The following LHFPL2 variants were observed in gnomAD, a reference collection of about 807,000 sequenced individuals.
LHFPL2 encodes LHFPL tetraspan subfamily member 2.
LHFPL2 carries 7 observed loss-of-function variants against 17.5 expected under a neutral mutation model. The observed-to-expected ratio is 0.40, with a 90% CI of 0.23 to 0.75. The LOEUF is 0.75. Ranked by LOEUF, LHFPL2 falls within the 30% of genes least tolerant of loss-of-function variation. The pLI is 0.37. For synonymous variants in LHFPL2, 134 were observed against 116.2 expected (o/e 1.15, Z -0.99); for missense variants, 241 against 294.8 (o/e 0.82, Z 1.34).
intron 1 of LHFPL2, chr5:78,644,167 T>C: frequency 1.8e-6 from 1 of 554,944 alleles, no homozygotes; most frequent in Non-Finnish European, 3.2e-6. Context: ...AAAACAATTG[T>C]TACATAGTCT....
chr5:78,490,553 C>A (rs1397423836), intron 4 of LHFPL2, among the ~76,000 whole-genome samples: 4 of 150,036 alleles, frequency 2.7e-5, no homozygotes, highest in Non-Finnish European at 5.9e-5. Context: ...GAGAGTGAGA[C>A]CATCCTGGCC....
intron 2 of LHFPL2, among the ~76,000 whole-genome samples, chr5:78,618,899 T>C (rs1036383431): frequency 6.6e-6 from 1 of 152,158 alleles, no homozygotes; most frequent in Non-Finnish European, 1.5e-5. Flanking sequence ...AGAAAATCGG[T>C]CAAAACCAGA....
intron 3 of LHFPL2, among the ~76,000 whole-genome samples, chr5:78,537,388 GA>G (rs548168047): frequency 6.6e-5 from 10 of 151,890 alleles, no homozygotes; most frequent in Non-Finnish European, 1.0e-4. Flanking sequence ...TTATTCGTGG[GA>G]AAAAAAAGAT....
chr5:78,552,136 T>C, intron 3 of LHFPL2, among the ~76,000 whole-genome samples: 1 of 53,552 alleles, frequency 1.9e-5, no homozygotes, highest in South Asian at 4.6e-4. Context: ...TGTCAGTGAT[T>C]TTTTTTTTTT....
chr5:78,529,015 C>T (rs960337018), intron 3 of LHFPL2, among the ~76,000 whole-genome samples: 6 of 151,970 alleles, frequency 3.9e-5, no homozygotes, highest in African/African-American at 9.7e-5. Flanking sequence ...TATGGTAGCT[C>T]ATGCCTGTAA....
chr5:78,633,129 C>G (rs1745313454), intron 1 of LHFPL2, among the ~76,000 whole-genome samples: 1 of 152,148 alleles, frequency 6.6e-6, no homozygotes, highest in Admixed American at 6.5e-5. Context: ...TCAGCAACAC[C>G]AGAGAGGAGA....
At chr5:78,500,787 C>T (rs1311327440) in intron 4 of LHFPL2, among the ~76,000 whole-genome samples, 1 of 152,086 alleles carries the variant, frequency 6.6e-6, no homozygotes, top group Non-Finnish European at 1.5e-5. Flanking sequence ...TTTCAAAGTC[C>T]AAGCAGAATT....
At chr5:78,492,177 C>G (rs1262272830) in intron 4 of LHFPL2, among the ~76,000 whole-genome samples, 1 of 152,208 alleles carries the variant, frequency 6.6e-6, no homozygotes, top group Non-Finnish European at 1.5e-5. Context: ...CACGCAAAGG[C>G]ACTTTGGGTG....
intron 2 of LHFPL2, chr5:78,625,470 T>C (rs1287556811): frequency 1.3e-5 from 2 of 152,252 alleles, no homozygotes; most frequent in East Asian, 1.9e-4. Flanking sequence ...GAGCCCCATC[T>C]GCTGAGCAAA....
chr5:78,634,142 A>G (rs1745346620), intron 1 of LHFPL2, among the ~76,000 whole-genome samples: 1 of 152,212 alleles, frequency 6.6e-6, no homozygotes, highest in Non-Finnish European at 1.5e-5. Context: ...ATTTCTGTAA[A>G]CAGCAGACAA....
intron 3 of LHFPL2, among the ~76,000 whole-genome samples, chr5:78,557,633 AG>A (rs1756613609): frequency 6.6e-6 from 1 of 152,254 alleles, no homozygotes; most frequent in African/African-American, 2.4e-5. Context: ...AATTAACAAC[AG>A]GAAGTGTCCA....
chr5:78,533,254 T>C (rs1025089141), intron 3 of LHFPL2, among the ~76,000 whole-genome samples: 1 of 152,178 alleles, frequency 6.6e-6, no homozygotes, highest in African/African-American at 2.4e-5. Flanking sequence ...TATATGAAGA[T>C]AGAGGCTGAG....
At chr5:78,544,614 T>A (rs983135871) in intron 3 of LHFPL2, among the ~76,000 whole-genome samples, 9 of 152,198 alleles carry the variant, frequency 5.9e-5, no homozygotes, top group Admixed American at 5.9e-4. Context: ...GTAGCTGATC[T>A]GTGCGGATGC....
chr5:78,536,476 G>A (rs367991901), intron 3 of LHFPL2, among the ~76,000 whole-genome samples: 1 of 152,330 alleles, frequency 6.6e-6, no homozygotes, highest in East Asian at 1.9e-4. Flanking sequence ...AGCCCAGTAA[G>A]AACTCTGGCC....
chr5:78,624,252 T>C (rs1316511246), intron 2 of LHFPL2, among the ~76,000 whole-genome samples: 1 of 152,090 alleles, frequency 6.6e-6, no homozygotes, highest in Non-Finnish European at 1.5e-5. Flanking sequence ...CACCGGGAGA[T>C]GGGCTGTCTG....
At chr5:78,596,385 G>A (rs1743827693) in intron 2 of LHFPL2, among the ~76,000 whole-genome samples, 1 of 152,202 alleles carries the variant, frequency 6.6e-6, no homozygotes, top group South Asian at 2.1e-4. Flanking sequence ...AGTAAAGCAT[G>A]CAGGCATGAA....
Position 78,602,849 on chromosome 5 carries a change from C to T in LHFPL2, c.-245+29415G>A, listed in dbSNP as rs139503688. ...CTTCATAGCAATTATCTTATTTAAACCTTACTACCACCCACAATGAGGTAG... is the reference window on the plus strand; with the variant it reads ...CTTCATAGCAATTATCTTATTTAAATCTTACTACCACCCACAATGAGGTAG... On this transcript the variant is annotated intron_variant, in intron 2 of 4. Transcript: ENST00000380345. Among the ~76,000 whole-genome samples, 515 of 151,882 alleles carry T rather than the reference C, an allele frequency of 3.4e-3. 4 individuals are homozygous for T. Among genetic ancestry groups the T allele is most frequent in the African/African-American group, 0.012 (501 of 41,388 alleles).
At chr5:78,638,340 C>T (rs556879776) in intron 1 of LHFPL2, among the ~76,000 whole-genome samples, 43 of 152,040 alleles carry the variant, frequency 2.8e-4, no homozygotes, top group South Asian at 2.1e-3. Flanking sequence ...GGTGACAGAG[C>T]GAGACACCGT....
rs560792687 is a variant in LHFPL2 at position 78,488,571 on chromosome 5, C to T, written c.*326G>A. ...TGCAGATCTGGCGGACGGTCTCTTC[C>T]GTTACCAGAGAAACTGCTGCCCTAA... On this transcript the variant is annotated 3_prime_UTR_variant, in exon 5 of 5. Coordinates refer to ENST00000380345, the MANE Select transcript of LHFPL2 (RefSeq NM_005779.3). 4.9e-5 allele frequency: 15 copies of T among 303,506 alleles called. No individual in the cohort carries two copies. The highest frequency in any genetic ancestry group is 2.8e-4 in the African/African-American group (13 of 47,224). The allele number at this position is 303,506 out of a possible 1,614,324, so 18.8% of individuals were successfully genotyped here. A position where few individuals can be genotyped will look rare whatever the true frequency, so the allele number is the denominator to read the frequency against.
Sources: gnomAD v4.1 joint callset for allele counts (sites outside exome capture counted in the v4.1 genomes callset) on GRCh38, gnomAD v4.1.1 for gene constraint, MANE v1.5 for transcripts, NCBI Gene and HGNC (gene_info 2026-07-23, HGNC 2026-07-21) for gene names.